AFF3: variants seen among roughly 807,000 people sequenced by gnomAD.
AFF3 encodes the protein AF4/FMR2 family member 3.
Under a neutral mutation model 129.7 loss-of-function variants are expected in AFF3, and 32 were observed. The ratio of observed to expected loss-of-function variants is 0.25; its 90% CI spans 0.19 to 0.33. AFF3 has a LOEUF of 0.33. AFF3 is among the 10% of genes least tolerant of loss of function. The pLI, the probability that AFF3 is intolerant of heterozygous loss-of-function variation, is 1.00. For missense variants in AFF3, 1,373 were observed against 1,592.0 expected (o/e 0.86, Z 2.34); for synonymous variants, 644 against 635.4 (o/e 1.01, Z -0.20).
intron 8 of AFF3, among the ~76,000 whole-genome samples, chr2:99,817,258 C>T (rs1181898260): frequency 6.6e-6 from 1 of 152,176 alleles, no homozygotes; most frequent in Non-Finnish European, 1.5e-5. Context: ...GGTCTGCCAC[C>T]CTCTCCTGCG....
At chr2:100,132,120 A>G (rs890562881) in intron 1 of AFF3, among the ~76,000 whole-genome samples, 2 of 152,212 alleles carry the variant, frequency 1.3e-5, no homozygotes, top group African/African-American at 4.8e-5. Flanking sequence ...GTTGAAATTG[A>G]AGGATGCCTC....
intron 7 of AFF3, among the ~76,000 whole-genome samples, chr2:99,896,024 G>A (rs926388773): frequency 3.1e-5 from 4 of 128,290 alleles, no homozygotes; most frequent in African/African-American, 9.1e-5. Flanking sequence ...AGGCGAGATC[G>A]CACCACTGCA....
intron 11 of AFF3, among the ~76,000 whole-genome samples, chr2:99,711,511 CAA>C (rs989979763): frequency 1.3e-5 from 2 of 152,114 alleles, no homozygotes; most frequent in African/African-American, 4.8e-5. Context: ...CATGCGGGTG[CAA>C]AGAGAACCTG....
chr2:100,141,197 G>C (rs1289269525), intron 1 of AFF3, among the ~76,000 whole-genome samples: 1 of 152,144 alleles, frequency 6.6e-6, no homozygotes, highest in Non-Finnish European at 1.5e-5. Flanking sequence ...GTTAGAGTGG[G>C]AATTTAAACC....
At chr2:99,652,946 G>A (rs1575604511) in intron 12 of AFF3, among the ~76,000 whole-genome samples, 1 of 152,158 alleles carries the variant, frequency 6.6e-6, no homozygotes. Flanking sequence ...GAAGAGGACC[G>A]GAGCCTGAGG....
intron 7 of AFF3, among the ~76,000 whole-genome samples, chr2:99,918,748 C>T (rs1053296902): frequency 2.6e-5 from 4 of 152,146 alleles, no homozygotes; most frequent in African/African-American, 7.2e-5. Flanking sequence ...AACCAAAACC[C>T]AGTAGAAGCA....
intron 4 of AFF3, among the ~76,000 whole-genome samples, chr2:100,092,536 T>C (rs1488012917): frequency 6.6e-6 from 1 of 152,138 alleles, no homozygotes; most frequent in African/African-American, 2.4e-5. Flanking sequence ...TACTGGAAAA[T>C]GTTTGAGCTC....
intron 12 of AFF3, among the ~76,000 whole-genome samples, chr2:99,661,560 G>T (rs1055184045): frequency 6.6e-6 from 1 of 152,144 alleles, no homozygotes; most frequent in Non-Finnish European, 1.5e-5. Context: ...GGCCCAGGCT[G>T]GTTGGACACA....
In AFF3 at chr2:99,548,326, T is replaced by C. The variant is rs1439773704; in HGVS notation, c.*3148A>G. ...TACATCAAACTGTGAGCAGTGGTTG[T>C]CTCAGGCAGAAGGGACAACCAGGGA... On this transcript the variant is annotated 3_prime_UTR_variant, in exon 25 of 25. Coordinates refer to ENST00000672756, the MANE Select transcript of AFF3 (RefSeq NM_001386135.1). 9.9e-6 allele frequency: 2 copies of C among 201,734 alleles called. No individual in the cohort carries two copies. The highest frequency in any genetic ancestry group is 2.0e-5 in the Non-Finnish European group (2 of 98,000). The allele number at this position is 201,734 out of a possible 1,614,324, so 12.5% of individuals were successfully genotyped here.
chr2:100,137,969 C>A (rs1692702170), intron 1 of AFF3, among the ~76,000 whole-genome samples: 1 of 152,168 alleles, frequency 6.6e-6, no homozygotes, highest in Admixed American at 6.5e-5. Context: ...AATGAGGATG[C>A]AGGAAGCATG....
At chr2:99,925,687 T>C (rs1168799821) in intron 7 of AFF3, among the ~76,000 whole-genome samples, 1 of 152,176 alleles carries the variant, frequency 6.6e-6, no homozygotes, top group African/African-American at 2.4e-5. Context: ...GTCCTGGCCC[T>C]CACTGAGGCT....
chr2:99,602,269 C>T (rs1178304894), intron 13 of AFF3, among the ~76,000 whole-genome samples: 1 of 152,086 alleles, frequency 6.6e-6, no homozygotes, highest in Non-Finnish European at 1.5e-5. Context: ...TCCTTTGAGC[C>T]CTTTCCTAGA....
intron 11 of AFF3, among the ~76,000 whole-genome samples, chr2:99,685,632 A>C (rs1239639768): frequency 1.3e-5 from 2 of 152,218 alleles, no homozygotes; most frequent in Non-Finnish European, 2.9e-5. Context: ...CTAACTTTTT[A>C]AACATATTCA....
intron 13 of AFF3, among the ~76,000 whole-genome samples, chr2:99,611,202 T>C (rs985016145): frequency 2.0e-5 from 3 of 152,186 alleles, no homozygotes; most frequent in Non-Finnish European, 2.9e-5. Flanking sequence ...ACTTTTTCAG[T>C]TGTCTCAAGC....
chr2:100,079,245 C>T (rs922898624), intron 4 of AFF3, among the ~76,000 whole-genome samples: 1 of 152,158 alleles, frequency 6.6e-6, no homozygotes, highest in African/African-American at 2.4e-5. Flanking sequence ...AGTGCCTGGC[C>T]TTTTGCTGAA....
chr2:99,705,895 A>C (rs956544275), intron 11 of AFF3, among the ~76,000 whole-genome samples: 4 of 151,340 alleles, frequency 2.6e-5, no homozygotes, highest in African/African-American at 4.9e-5. Flanking sequence ...AAAAAAAAAA[A>C]AAAAACACGC....
At chr2:100,032,367 T>G (rs1010563868) in intron 4 of AFF3, among the ~76,000 whole-genome samples, 1 of 151,740 alleles carries the variant, frequency 6.6e-6, no homozygotes, top group African/African-American at 2.4e-5. Context: ...AGGCGGAGGC[T>G]GCAGTGAGCC....
intron 13 of AFF3, among the ~76,000 whole-genome samples, chr2:99,606,915 CA>C (rs10680840): frequency 0.022 from 1,340 of 62,184 alleles, 5 homozygotes; most frequent in African/African-American, 0.063. Flanking sequence ...CTCCGTCTCA[CA>C]AAAAAAAAAA....
chr2:99,858,363 T>C (rs1690682138), intron 7 of AFF3, among the ~76,000 whole-genome samples: 1 of 141,982 alleles, frequency 7.0e-6, no homozygotes, highest in African/African-American at 2.7e-5. Context: ...CTGAGCAATG[T>C]GGCGAAACCC....
Sources: allele counts gnomAD v4.1 joint callset (sites outside exome capture counted in the v4.1 genomes callset), GRCh38; gene constraint gnomAD v4.1.1; transcripts MANE v1.5; gene names NCBI Gene and HGNC (gene_info 2026-07-23, HGNC 2026-07-21).